Variants in ADGRL3 observed in about 807,000 individuals in gnomAD.
ADGRL3 encodes calcium-independent alpha-latrotoxin receptor 3.
A neutral mutation model predicts 153.5 loss-of-function variants in ADGRL3; 62 were observed. The observed-to-expected ratio is 0.40, with a 90% CI of 0.33 to 0.50. ADGRL3 has a LOEUF of 0.50. Among genes scored for constraint, ADGRL3 ranks in the 20% least tolerant of loss-of-function variants. The pLI, the probability that ADGRL3 is intolerant of heterozygous loss-of-function variation, is 0.47. For synonymous variants in ADGRL3, 710 were observed against 672.5 expected (o/e 1.06, Z -0.86); for missense variants, 1,641 against 1,859.4 (o/e 0.88, Z 2.16).
At chr4:62,033,157 T>A (rs1723075539) in intron 23 of ADGRL3, among the ~76,000 whole-genome samples, 1 of 151,734 alleles carries the variant, frequency 6.6e-6, no homozygotes, top group Non-Finnish European at 1.5e-5. Flanking sequence ...CCTCAATCTA[T>A]GATATTATAG....
intron 2 of ADGRL3, among the ~76,000 whole-genome samples, chr4:61,462,463 A>G (rs1027686624): frequency 3.3e-5 from 5 of 152,112 alleles, no homozygotes; most frequent in Admixed American, 6.6e-5. Context: ...ATTGGAGACA[A>G]TAGCTCCAGA....
intron 5 of ADGRL3, among the ~76,000 whole-genome samples, chr4:61,668,837 G>A (rs1394396757): frequency 2.0e-5 from 3 of 152,148 alleles, no homozygotes; most frequent in Admixed American, 6.5e-5. Context: ...AGGTAACACA[G>A]TGAGACCTCA....
intron 1 of ADGRL3, among the ~76,000 whole-genome samples, chr4:61,295,219 C>T (rs2094367326): frequency 6.6e-6 from 1 of 152,044 alleles, no homozygotes; most frequent in Admixed American, 6.6e-5. Context: ...TATTGCAGTG[C>T]TTGTGTTCAA....
intron 2 of ADGRL3, among the ~76,000 whole-genome samples, chr4:61,421,651 A>G (rs1253905786): frequency 3.3e-5 from 5 of 152,098 alleles, no homozygotes; most frequent in Admixed American, 3.3e-4. Flanking sequence ...TAATTTTATG[A>G]TTAAAATTAT....
At chr4:61,454,575 GCTT>G (rs1352327008) in intron 2 of ADGRL3, among the ~76,000 whole-genome samples, 1 of 152,136 alleles carries the variant, frequency 6.6e-6, no homozygotes, top group Non-Finnish European at 1.5e-5. Flanking sequence ...AAATTATTGA[GCTT>G]CTTCTGAGTT....
At chr4:61,549,720 A>G (rs1477939659) in intron 4 of ADGRL3, among the ~76,000 whole-genome samples, 1 of 152,036 alleles carries the variant, frequency 6.6e-6, no homozygotes, top group Non-Finnish European at 1.5e-5. Context: ...TGGCTTAATC[A>G]CAGCTGTATT....
intron 9 of ADGRL3, among the ~76,000 whole-genome samples, chr4:61,872,099 G>A (rs1031321065): frequency 3.3e-5 from 5 of 152,204 alleles, no homozygotes; most frequent in Admixed American, 6.5e-5. Flanking sequence ...GGCACACAGT[G>A]TATGTTTAGC....
At chr4:61,839,166 G>GTT (rs779015902) in intron 9 of ADGRL3, among the ~76,000 whole-genome samples, 6 of 151,986 alleles carry the variant, frequency 3.9e-5, no homozygotes, top group Non-Finnish European at 7.4e-5. Flanking sequence ...TAACTGTGAA[G>GTT]TTTGTAGTTA....
At chr4:61,648,536 G>T (rs867809090) in intron 5 of ADGRL3, among the ~76,000 whole-genome samples, 44 of 147,310 alleles carry the variant, frequency 3.0e-4, no homozygotes, top group African/African-American at 1.0e-3. Flanking sequence ...TTTTTTTTCT[G>T]TTTCTTTTGG....
chr4:61,979,698 C>G lies in ADGRL3; in HGVS notation c.2941C>G (p.His981Asp). Residue 981 changes from histidine (H) to aspartate (D), a missense_variant, in exon 18 of 27, where the codon CAC becomes GAC. By Grantham distance (81) the His-to-Asp change is moderately conservative. Around this residue, in one of 5 missense-constraint regions of ADGRL3, gnomAD observed 734 missense variants for 797.0 expected, o/e 0.92. Coordinates refer to ENST00000683033, the MANE Select transcript of ADGRL3 (RefSeq NM_001387552.1). ...GCTCCAGAGTGACCGTAACACCATC[C>G]ACAAGAACCTCTGCATCAGTCTCTT... ...RGLQSDRNTI[H>D]KNLCISLFVA... 1 of 1,613,990 alleles carries G rather than the reference C, an allele frequency of 6.2e-7. No individual in the cohort carries two copies. Among genetic ancestry groups the G allele is most frequent in the Non-Finnish European group, 8.5e-7 (1 of 1,179,932 alleles).
At chr4:61,789,896 T>C (rs2097321699) in intron 8 of ADGRL3, among the ~76,000 whole-genome samples, 1 of 152,198 alleles carries the variant, frequency 6.6e-6, no homozygotes, top group Non-Finnish European at 1.5e-5. Context: ...TGAGCCATAC[T>C]TTTTCCTCAG....
intron 1 of ADGRL3, among the ~76,000 whole-genome samples, chr4:61,325,946 G>A (rs777623020): frequency 1.4e-4 from 21 of 152,170 alleles, no homozygotes; most frequent in Middle Eastern, 6.8e-3. Context: ...TCCAGATAGC[G>A]TATTAAGAAA....
At chr4:61,304,097 G>A (rs2094682405) in intron 1 of ADGRL3, among the ~76,000 whole-genome samples, 1 of 152,314 alleles carries the variant, frequency 6.6e-6, no homozygotes, top group South Asian at 2.1e-4. Flanking sequence ...GAGATACAGT[G>A]TTGCTTGTGT....
chr4:61,735,466 G>GT (rs1237743537), intron 8 of ADGRL3, among the ~76,000 whole-genome samples: 1 of 152,132 alleles, frequency 6.6e-6, no homozygotes, highest in Non-Finnish European at 1.5e-5. Context: ...TACAGGTAAG[G>GT]TTTTTTGTTT....
At chr4:61,604,902 C>A (rs1205211433) in intron 5 of ADGRL3, among the ~76,000 whole-genome samples, 1 of 151,644 alleles carries the variant, frequency 6.6e-6, no homozygotes, top group Admixed American at 6.6e-5. Flanking sequence ...ACAGCCTGGC[C>A]AACATGGAGA....
intron 2 of ADGRL3, among the ~76,000 whole-genome samples, chr4:61,424,834 G>C (rs1474119179): frequency 6.6e-6 from 1 of 152,116 alleles, no homozygotes; most frequent in Non-Finnish European, 1.5e-5. Flanking sequence ...ACCTGCTCCA[G>C]GGATGGTCAA....
chr4:61,316,737 A>C (rs2095226394), intron 1 of ADGRL3, among the ~76,000 whole-genome samples: 1 of 152,212 alleles, frequency 6.6e-6, no homozygotes, highest in South Asian at 2.1e-4. Flanking sequence ...GGCTATTCAG[A>C]AAATGATTCT....
intron 1 of ADGRL3, among the ~76,000 whole-genome samples, chr4:61,305,329 A>G (rs80353878): frequency 0.011 from 1,693 of 152,292 alleles, 15 homozygotes; most frequent in Non-Finnish European, 0.018. Flanking sequence ...CTACATTATT[A>G]TATCATTATA....
At chr4:61,263,809 A>G (rs531613320) in intron 1 of ADGRL3, among the ~76,000 whole-genome samples, 2 of 152,138 alleles carry the variant, frequency 1.3e-5, no homozygotes, top group East Asian at 3.9e-4. Context: ...ATAAAGTAGA[A>G]GTGATTCATT....
Sources: allele counts gnomAD v4.1 joint callset (sites outside exome capture counted in the v4.1 genomes callset), GRCh38; gene constraint gnomAD v4.1.1; regional missense constraint gnomAD v4.1.1; transcripts MANE v1.5; gene names NCBI Gene and HGNC (gene_info 2026-07-23, HGNC 2026-07-21).